The following RORB variants were observed in gnomAD, a reference collection of about 807,000 sequenced individuals.
RORB encodes nuclear receptor ROR-beta.
In RORB, 6 loss-of-function variants were observed where a neutral mutation model predicts 59.1. The ratio of observed to expected loss-of-function variants is 0.10; its 90% CI spans 0.06 to 0.20. The LOEUF is 0.20. RORB is among the 10% of genes least tolerant of loss of function. The pLI is 1.00. For missense variants in RORB, 320 were observed against 560.5 expected (o/e 0.57, Z 4.33); for synonymous variants, 215 against 204.5 (o/e 1.05, Z -0.44).
intron 1 of RORB, among the ~76,000 whole-genome samples, chr9:74,522,796 A>T (rs899734571): frequency 6.6e-6 from 1 of 151,838 alleles, no homozygotes; most frequent in African/African-American, 2.4e-5. Flanking sequence ...GTACCCAGAT[A>T]ATCAACCAAA....
At chr9:74,535,403 C>T (rs1445398536) in intron 1 of RORB, among the ~76,000 whole-genome samples, 1 of 151,910 alleles carries the variant, frequency 6.6e-6, no homozygotes, top group African/African-American at 2.4e-5. Context: ...GTGTATGTGT[C>T]TCTGGGATTC....
At chr9:74,662,016 A>C (rs1214239680) in intron 5 of RORB, among the ~76,000 whole-genome samples, 3 of 152,114 alleles carry the variant, frequency 2.0e-5, no homozygotes, top group Non-Finnish European at 4.4e-5. Context: ...AAATACTACA[A>C]ATTTAGTGCC....
intron 1 of RORB, among the ~76,000 whole-genome samples, chr9:74,552,844 G>A (rs866650801): frequency 6.6e-5 from 10 of 152,196 alleles, no homozygotes; most frequent in South Asian, 2.1e-4. Context: ...GTGCTATGCC[G>A]TTAAAATAGG....
chr9:74,612,024 G>A (rs1394966728), intron 1 of RORB, among the ~76,000 whole-genome samples: 1 of 152,148 alleles, frequency 6.6e-6, no homozygotes, highest in African/African-American at 2.4e-5. Flanking sequence ...TGCCTAAGGA[G>A]CTTATAGTCA....
chr9:74,612,946 A>C (rs2118362363), intron 1 of RORB, among the ~76,000 whole-genome samples: 1 of 152,374 alleles, frequency 6.6e-6, no homozygotes, highest in South Asian at 2.1e-4. Flanking sequence ...AATACAGAAA[A>C]ATAACAATTA....
chr9:74,561,717 G>T (rs1304075674), intron 1 of RORB, among the ~76,000 whole-genome samples: 1 of 152,024 alleles, frequency 6.6e-6, no homozygotes, highest in Non-Finnish European at 1.5e-5. Flanking sequence ...ATCAAAACCA[G>T]GAAATTAACA....
At chr9:74,544,335 C>T (rs1469583961) in intron 1 of RORB, among the ~76,000 whole-genome samples, 3 of 152,120 alleles carry the variant, frequency 2.0e-5, no homozygotes, top group African/African-American at 7.2e-5. Context: ...GACTGTTCTT[C>T]GGTTTCCAGA....
intron 9 of RORB, among the ~76,000 whole-genome samples, chr9:74,673,918 A>G (rs1471228072): frequency 6.6e-6 from 1 of 152,134 alleles, no homozygotes; most frequent in Non-Finnish European, 1.5e-5. Flanking sequence ...TGTTATCTGA[A>G]CTAATGCAAA....
intron 1 of RORB, among the ~76,000 whole-genome samples, chr9:74,622,161 C>T (rs1480099526): frequency 6.6e-6 from 1 of 152,116 alleles, no homozygotes; most frequent in Non-Finnish European, 1.5e-5. Flanking sequence ...TGCCCCATCC[C>T]TGTCCTTCAG....
intron 1 of RORB, among the ~76,000 whole-genome samples, chr9:74,589,672 G>C (rs1312067488): frequency 6.6e-6 from 1 of 152,068 alleles, no homozygotes; most frequent in African/African-American, 2.4e-5. Context: ...AATTTAAAAA[G>C]AAAAGAAAAA....
intron 3 of RORB, among the ~76,000 whole-genome samples, chr9:74,641,050 C>T (rs1823794889): frequency 6.6e-6 from 1 of 152,152 alleles, no homozygotes; most frequent in Non-Finnish European, 1.5e-5. Context: ...CTTCTTTCTC[C>T]ATTCTCTGAG....
chr9:74,517,625 A>G (rs980189069), intron 1 of RORB, among the ~76,000 whole-genome samples: 2 of 152,052 alleles, frequency 1.3e-5, no homozygotes, highest in Non-Finnish European at 2.9e-5. Context: ...TTATTTTTTT[A>G]AAAAGGGTAG....
chr9:74,665,683 T>C, intron 7 of RORB, 88 bp downstream of exon 7: 1 of 826,158 alleles, frequency 1.2e-6, no homozygotes, highest in South Asian at 1.5e-5. Flanking sequence ...AATGCCTTGA[T>C]TCTTTGATGT....
At chr9:74,547,717 C>T (rs1242623994) in intron 1 of RORB, among the ~76,000 whole-genome samples, 1 of 152,070 alleles carries the variant, frequency 6.6e-6, no homozygotes, top group Non-Finnish European at 1.5e-5. Context: ...AAGATGAGGT[C>T]ACAGAATTAA....
chr9:74,575,637 C>T (rs1822623223), intron 1 of RORB, among the ~76,000 whole-genome samples: 1 of 151,890 alleles, frequency 6.6e-6, no homozygotes, highest in Non-Finnish European at 1.5e-5. Flanking sequence ...TCAAAAGGCC[C>T]AATTGTTAAA....
intron 1 of RORB, among the ~76,000 whole-genome samples, chr9:74,538,252 A>T (rs950700388): frequency 6.6e-6 from 1 of 152,058 alleles, no homozygotes; most frequent in Non-Finnish European, 1.5e-5. Flanking sequence ...CAACAATGAA[A>T]TCACCTAACA....
At chr9:74,632,842 A>G (rs977545958) in intron 2 of RORB, among the ~76,000 whole-genome samples, 9 of 152,188 alleles carry the variant, frequency 5.9e-5, no homozygotes, top group African/African-American at 2.2e-4. Context: ...TATATAAAGT[A>G]CATCATTTCA....
intron 1 of RORB, among the ~76,000 whole-genome samples, chr9:74,626,584 A>G (rs909879658): frequency 1.3e-5 from 2 of 152,202 alleles, no homozygotes; most frequent in African/African-American, 4.8e-5. Context: ...GAATAAATCC[A>G]TGAGTCAAGC....
chr9:74,660,543 T>C lies in RORB; in HGVS notation c.638-74T>C, dbSNP rs954812022. ...GGAGTATCTCCAAAAGGCATTCTTA[T>C]AGTAAACACATTAAAAGCTAATGAG... is the stretch of plus-strand genomic sequence containing the variant. On this transcript the variant is annotated intron_variant, in intron 4 of 9. Coordinates refer to ENST00000376896, the MANE Select transcript of RORB (RefSeq NM_006914.4). 1.2e-5 allele frequency: 17 copies of C among 1,402,744 alleles called. No individual in the cohort carries two copies. The Admixed American group carries it at 1.6e-4, about 13-fold the overall frequency. The allele number at this position is 1,402,744 out of a possible 1,614,324, so 86.9% of individuals were successfully genotyped here. A position where few individuals can be genotyped will look rare whatever the true frequency, so the allele number is the denominator to read the frequency against.
Sources: gnomAD v4.1 joint callset for allele counts (sites outside exome capture counted in the v4.1 genomes callset) on GRCh38, gnomAD v4.1.1 for gene constraint, MANE v1.5 for transcripts, NCBI Gene and HGNC (gene_info 2026-07-23, HGNC 2026-07-21) for gene names.